Variants in SEMA6D observed in about 807,000 individuals in gnomAD.
SEMA6D encodes the protein semaphorin-6D.
A neutral mutation model predicts 106.6 loss-of-function variants in SEMA6D; 35 were observed. That is an observed-to-expected ratio of 0.33 (90% CI 0.25 to 0.44). The LOEUF (loss-of-function observed/expected upper bound fraction) is 0.44. SEMA6D is among the 20% of genes least tolerant of loss of function. SEMA6D has a pLI of 1.00. For synonymous variants in SEMA6D, 499 were observed against 487.7 expected, an observed-to-expected ratio of 1.02 and a Z score of -0.31; for missense variants, 1,185 against 1,345.9, an observed-to-expected ratio of 0.88 and a Z score of 1.87.
intron 3 of SEMA6D, among the ~76,000 whole-genome samples, chr15:47,598,314 A>G (rs2076577645): frequency 1.3e-5 from 2 of 152,162 alleles, no homozygotes; most frequent in Non-Finnish European, 2.9e-5. Context: ...GTCCCAAGCA[A>G]AGCATGAAAT....
At chr15:47,672,228 C>G (rs1490266687) in intron 4 of SEMA6D, among the ~76,000 whole-genome samples, 2 of 152,200 alleles carry the variant, frequency 1.3e-5, no homozygotes, top group Non-Finnish European at 2.9e-5. Flanking sequence ...AGCCTGAACT[C>G]ATACCACTGT....
chr15:47,742,502 G>A (rs891110775), intron 1 of SEMA6D, among the ~76,000 whole-genome samples: 4 of 152,128 alleles, frequency 2.6e-5, no homozygotes, highest in African/African-American at 9.7e-5. Flanking sequence ...AGGTATAACC[G>A]ACCCACTTGA....
intron 3 of SEMA6D, among the ~76,000 whole-genome samples, chr15:47,489,737 C>T (rs893534588): frequency 1.1e-4 from 16 of 151,972 alleles, no homozygotes; most frequent in African/African-American, 3.6e-4. Flanking sequence ...CTGCAACCTC[C>T]GCCTCCCAGG....
intron 1 of SEMA6D, among the ~76,000 whole-genome samples, chr15:47,282,488 G>A (rs2035171496): frequency 6.6e-6 from 1 of 152,058 alleles, no homozygotes; most frequent in Non-Finnish European, 1.5e-5. Flanking sequence ...TAATTTTTAG[G>A]TGCCTACTAT....
chr15:47,527,478 T>G (rs2044801198), intron 3 of SEMA6D, among the ~76,000 whole-genome samples: 1 of 148,080 alleles, frequency 6.8e-6, no homozygotes, highest in African/African-American at 2.7e-5. Context: ...TCAAAGATTT[T>G]CTGTGAAATT....
intron 13 of SEMA6D, chr15:47,765,344 A>G (rs190261233): frequency 2.5e-6 from 3 of 1,188,278 alleles, no homozygotes; most frequent in Admixed American, 4.2e-5. Context: ...ATATATTCCA[A>G]GATGCTACAT....
At position 47,772,813 on chromosome 15, in the gene SEMA6D, A is replaced by G. The variant is rs56345741; in HGVS notation, c.*1028A>G. On this transcript the variant is annotated 3_prime_UTR_variant, in exon 19 of 19. Transcript: ENST00000536845. Reference sequence around the variant, plus strand: ...TGATTGTGTTCGTTTCCCCCCCCCCAATAGTAAAATTTCTCCTCCTTTAAC... The same window carrying G: ...TGATTGTGTTCGTTTCCCCCCCCCCGATAGTAAAATTTCTCCTCCTTTAAC... 1.1e-5 allele frequency: 1 copy of G among 86,960 alleles called. No homozygotes were observed. The allele number at this position is 86,960 out of a possible 1,614,324, so 5.4% of individuals were successfully genotyped here.
intron 1 of SEMA6D, among the ~76,000 whole-genome samples, chr15:47,733,622 G>A (rs955859754): frequency 2.0e-5 from 3 of 152,118 alleles, no homozygotes; most frequent in Non-Finnish European, 2.9e-5. Flanking sequence ...AGAGTCCGGG[G>A]TTCAAATTCT....
chr15:47,377,343 T>G (rs2039483783), intron 1 of SEMA6D, among the ~76,000 whole-genome samples: 1 of 152,154 alleles, frequency 6.6e-6, no homozygotes, highest in South Asian at 2.1e-4. Flanking sequence ...ATGGGGAAAT[T>G]CAGTAATTCC....
intron 4 of SEMA6D, among the ~76,000 whole-genome samples, chr15:47,626,973 A>G (rs565735786): frequency 7.2e-5 from 11 of 152,266 alleles, no homozygotes; most frequent in Non-Finnish European, 1.5e-4. Context: ...GGGATGTCAT[A>G]TGAAACAAGA....
intron 3 of SEMA6D, among the ~76,000 whole-genome samples, chr15:47,560,554 G>C (rs1439418152): frequency 2.0e-5 from 3 of 151,800 alleles, no homozygotes; most frequent in Non-Finnish European, 2.9e-5. Flanking sequence ...AAAATGAACA[G>C]AACTTCAAAA....
chr15:47,610,540 G>C (rs2076875768), intron 4 of SEMA6D, among the ~76,000 whole-genome samples: 2 of 152,146 alleles, frequency 1.3e-5, no homozygotes, highest in Non-Finnish European at 2.9e-5. Context: ...AGAGTAACAG[G>C]CTGAAGCTCA....
intron 3 of SEMA6D, among the ~76,000 whole-genome samples, chr15:47,564,245 A>G (rs564876211): frequency 3.9e-5 from 6 of 152,360 alleles, no homozygotes; most frequent in African/African-American, 1.4e-4. Flanking sequence ...CATCTTCTTG[A>G]GAGAAGAAAT....
chr15:47,725,237 CT>C (rs1363673519), intron 1 of SEMA6D, among the ~76,000 whole-genome samples: 1 of 152,132 alleles, frequency 6.6e-6, no homozygotes, highest in African/African-American at 2.4e-5. Flanking sequence ...ATGCTCATCA[CT>C]GTAAGCTAGC....
At chr15:47,398,489 CAG>C (rs2040291312) in intron 1 of SEMA6D, among the ~76,000 whole-genome samples, 1 of 152,152 alleles carries the variant, frequency 6.6e-6, no homozygotes, top group East Asian at 1.9e-4. Context: ...ATAAAATAAA[CAG>C]GGTTTTGGGA....
chr15:47,386,030 TCA>T (rs1236245748), intron 1 of SEMA6D, among the ~76,000 whole-genome samples: 1 of 152,226 alleles, frequency 6.6e-6, no homozygotes, highest in African/African-American at 2.4e-5. Flanking sequence ...AATGCATACC[TCA>T]CAGAGTGTTT....
intron 1 of SEMA6D, among the ~76,000 whole-genome samples, chr15:47,718,262 G>A (rs995827831): frequency 6.6e-6 from 1 of 152,176 alleles, no homozygotes; most frequent in Admixed American, 6.5e-5. Flanking sequence ...ACGCTGGGAC[G>A]CCCGGGGTCT....
chr15:47,308,545 T>A (rs931688899), intron 1 of SEMA6D, among the ~76,000 whole-genome samples: 4 of 152,292 alleles, frequency 2.6e-5, no homozygotes, highest in Admixed American at 1.3e-4. Context: ...TCAGAACGAA[T>A]CCCGTAAGAC....
At chr15:47,740,317 G>A (rs1002676772) in intron 1 of SEMA6D, among the ~76,000 whole-genome samples, 1 of 152,028 alleles carries the variant, frequency 6.6e-6, no homozygotes, top group South Asian at 2.1e-4. Flanking sequence ...TCAAGAGATC[G>A]AGACCATCCT....
Sources: allele counts gnomAD v4.1 joint callset (sites outside exome capture counted in the v4.1 genomes callset), GRCh38; gene constraint gnomAD v4.1.1; transcripts MANE v1.5; gene names NCBI Gene and HGNC (gene_info 2026-07-23, HGNC 2026-07-21).